The following LRP5 variants were observed in gnomAD, a reference collection of about 807,000 sequenced individuals.
The protein encoded by LRP5 is low-density lipoprotein receptor-related protein 5.
A neutral mutation model predicts 154.1 loss-of-function variants in LRP5; 62 were observed. The observed-to-expected ratio is 0.40, with a 90% CI of 0.33 to 0.50. The LOEUF (loss-of-function observed/expected upper bound fraction) is 0.50. Ranked by LOEUF, LRP5 falls within the 20% of genes least tolerant of loss-of-function variation. The pLI is 0.55. For missense variants in LRP5, 1,915 were observed against 2,336.7 expected, an observed-to-expected ratio of 0.82 and a Z score of 3.72; for synonymous variants, 966 against 1,011.5, an observed-to-expected ratio of 0.96 and a Z score of 0.85.
intron 1 of LRP5, among the ~76,000 whole-genome samples, chr11:68,343,123 G>A (rs987125745): frequency 3.3e-5 from 5 of 152,336 alleles, no homozygotes; most frequent in Admixed American, 2.0e-4. Context: ...TGGGGCCAGC[G>A]TCTGCCTGGT....
At chr11:68,341,904 C>T (rs1193932679) in intron 1 of LRP5, among the ~76,000 whole-genome samples, 1 of 152,116 alleles carries the variant, frequency 6.6e-6, no homozygotes, top group East Asian at 1.9e-4. Flanking sequence ...CACGTGAATA[C>T]GGAGCCATTC....
At chr11:68,350,071 C>T (rs969316701) in intron 2 of LRP5, among the ~76,000 whole-genome samples, 9 of 152,240 alleles carry the variant, frequency 5.9e-5, no homozygotes, top group Admixed American at 1.3e-4. Flanking sequence ...GTTGAGGGGC[C>T]GGCCTAGATC....
intron 1 of LRP5, among the ~76,000 whole-genome samples, chr11:68,317,370 G>A (rs1447866017): frequency 1.3e-5 from 2 of 152,252 alleles, no homozygotes; most frequent in Non-Finnish European, 2.9e-5. Flanking sequence ...AGAGTACCCC[G>A]AGGGTGTGAC....
At chr11:68,411,267 G>A (rs1441999198) in intron 10 of LRP5, among the ~76,000 whole-genome samples, 169 bp from the exon 11 acceptor site, 1 of 152,202 alleles carries the variant, frequency 6.6e-6, no homozygotes, top group East Asian at 1.9e-4. Context: ...AGGGATATGT[G>A]TGTGGCAGGG....
chr11:68,386,512 G>T lies in LRP5; in HGVS notation c.1212G>T (p.Gly404=), dbSNP rs377403217. Residue 404 remains glycine (G), a synonymous_variant, in exon 6 of 23, where the codon GGG becomes GGT. Coordinates refer to ENST00000294304, the MANE Select transcript of LRP5 (RefSeq NM_002335.4). This position sits in a 1 kb window ranked among gnomAD's most constrained non-coding sequence, Gnocchi z 7.9. The stretch of plus-strand genomic sequence containing the variant: ...CCATCCGCAGGGCGTACCTGGACGG[G>T]TCTGGGGCGCAGACGCTGGTCAACA... The part of the protein sequence containing the change: ...VRAIRRAYLD[G]SGAQTLVNTE... 6.2e-7 allele frequency: 1 copy of T among 1,613,940 alleles called. No homozygotes were observed. Among genetic ancestry groups the T allele is most frequent in the Non-Finnish European group, 8.5e-7 (1 of 1,180,014 alleles).
rs1435634355 is a variant in LRP5, at chr11:68,348,149, A to T, written c.394A>T (p.Ile132Phe). Residue 132 changes from isoleucine (I) to phenylalanine (F), a missense_variant, in exon 2 of 23, where the codon ATC (isoleucine) becomes TTC (phenylalanine). Physicochemically the swap from Ile to Phe is conservative, Grantham distance 21. This residue lies in a region of LRP5 where 773 missense variants were observed against 1,100.9 expected (regional missense o/e 0.70). Transcript: ENST00000294304. The stretch of plus-strand genomic sequence containing the variant: ...CTGGACGGACTCAGAGACCAACCGC[A>T]TCGAGGTGGCCAACCTCAATGGCAC... ...LYWTDSETNR[I>F]EVANLNGTSR... 6.2e-7 allele frequency: 1 copy of T among 1,614,006 alleles called. No individual in the cohort carries two copies. Among genetic ancestry groups the T allele is most frequent in the East Asian group, 2.2e-5 (1 of 44,886 alleles).
intron 1 of LRP5, among the ~76,000 whole-genome samples, chr11:68,336,546 G>A (rs576488181): frequency 6.6e-6 from 1 of 152,070 alleles, no homozygotes; most frequent in African/African-American, 2.4e-5. Context: ...TCAGCTCATG[G>A]CAACCTCTGC....
intron 5 of LRP5, among the ~76,000 whole-genome samples, chr11:68,378,260 C>T (rs76855906): frequency 0.026 from 3,975 of 152,338 alleles, 187 homozygotes; most frequent in African/African-American, 0.091. Context: ...GACCCATTGG[C>T]AGGGTCTCCT....
Position 68,402,680 on chromosome 11 carries a change from C to G in LRP5, c.1585-803C>G, listed in dbSNP as rs114835596. Among the ~76,000 whole-genome samples, 1,427 of 152,314 alleles carry G rather than the reference C, an allele frequency of 9.4e-3. 31 individuals carry two copies. Among genetic ancestry groups the G allele is most frequent in the African/African-American group, 0.032 (1,336 of 41,568 alleles). Reference sequence around the variant, plus strand: ...TCCTGCCCCAGGTCCTGCAGTTGCTCTGTGTGGTGGGTGTGATCTGGAGCC... The same window carrying G: ...TCCTGCCCCAGGTCCTGCAGTTGCTGTGTGTGGTGGGTGTGATCTGGAGCC... On this transcript the variant is annotated intron_variant, in intron 7 of 22. Coordinates refer to ENST00000294304, the MANE Select transcript of LRP5 (RefSeq NM_002335.4).
chr11:68,423,735 C>T lies in LRP5; in HGVS notation c.3236+38C>T, dbSNP rs1331264018. On this transcript the variant is annotated intron_variant, in intron 14 of 22. Coordinates refer to ENST00000294304, the MANE Select transcript of LRP5 (RefSeq NM_002335.4). This position sits in a 1 kb window ranked among gnomAD's most constrained non-coding sequence, Gnocchi z 4.7. ...CGGGTGGGTGGGGGTGCTGCCCGTC[C>T]AGGCGTGCCCGCCGTGTCTTCTGCC... is the stretch of plus-strand genomic sequence containing the variant. 1 of 1,562,640 alleles carries T rather than the reference C, an allele frequency of 6.4e-7. No individual in the cohort carries two copies. The highest frequency in any genetic ancestry group is 2.3e-5 in the East Asian group (1 of 44,340).
intron 14 of LRP5, among the ~76,000 whole-genome samples, chr11:68,424,315 G>A (rs1182097148): frequency 6.6e-6 from 1 of 152,242 alleles, no homozygotes; most frequent in Non-Finnish European, 1.5e-5. Context: ...ACAGGTCCTG[G>A]GCCGGGAGCC....
Position 68,326,306 on chromosome 11 carries a change from T to C in LRP5, c.91+13501T>C, listed in dbSNP as rs181139150. Among the ~76,000 whole-genome samples the C allele has an allele frequency of 2.7e-3, 411 of 152,326 alleles. 3 individuals are homozygous for C. Among genetic ancestry groups the C allele is most frequent in the Admixed American group, 0.025 (387 of 15,308 alleles). On this transcript the variant is annotated intron_variant, in intron 1 of 22. Transcript: ENST00000294304. ...CACCAGAGCAGTCCCCGCCTCTCCT[T>C]TTCAGAGGACATTGTTGAGGGGACC... is the stretch of plus-strand genomic sequence containing the variant.
chr11:68,307,150 C>G, the LRP5 span, among the ~76,000 whole-genome samples: 1 of 151,872 alleles, frequency 6.6e-6, no homozygotes, highest in Non-Finnish European at 1.5e-5. Flanking sequence ...CCATTGCACT[C>G]CAGCCTGAGC....
chr11:68,373,445 T>C (rs1480153433), intron 5 of LRP5, among the ~76,000 whole-genome samples: 1 of 152,156 alleles, frequency 6.6e-6, no homozygotes, highest in Non-Finnish European at 1.5e-5. Flanking sequence ...ACGTGGCCCC[T>C]GAGCTGCAGG....
chr11:68,399,429 G>A (rs547745061), intron 7 of LRP5, among the ~76,000 whole-genome samples: 1 of 151,614 alleles, frequency 6.6e-6, no homozygotes, highest in African/African-American at 2.4e-5. Flanking sequence ...GTTCAGTCAC[G>A]TGCTCTCCAT....
rs368368044 is a variant in LRP5, at chr11:68,318,174, C to T, written c.91+5369C>T. 2.2e-4 allele frequency among the ~76,000 whole-genome samples: 33 copies of T among 151,888 alleles called. No individual in the cohort carries two copies. In the East Asian group the frequency reaches 3.1e-3, roughly 14 times the overall value. ...GGGTCACGCCTTTCTCCTGCCTCAGCCTCCTGAGTAGCTGGAACTACAGGC... is the reference window on the plus strand; with the variant it reads ...GGGTCACGCCTTTCTCCTGCCTCAGTCTCCTGAGTAGCTGGAACTACAGGC... On this transcript the variant is annotated intron_variant, in intron 1 of 22. Transcript: ENST00000294304.
chr11:68,400,492 G>A (rs1295860577), intron 7 of LRP5, among the ~76,000 whole-genome samples: 1 of 152,072 alleles, frequency 6.6e-6, no homozygotes, highest in Non-Finnish European at 1.5e-5. Flanking sequence ...AGGCTGAGGC[G>A]GGCAGATCAC....
Position 68,386,705 on chromosome 11 carries a change from G to A in LRP5, c.1405G>A (p.Val469Met), listed in dbSNP as rs771321752. 16 of 1,612,848 alleles carry A rather than the reference G, an allele frequency of 9.9e-6. No individual in the cohort carries two copies. The highest frequency in any genetic ancestry group is 2.2e-5 in the East Asian group (1 of 44,882). ...GCCCCGAGCCATCGCACTGCACCCC[G>A]TGATGGGGTAAGACGGGCGGGGGCT... ...DEPRAIALHP[V>M]MGLMYWTDWG... Residue 469 changes from valine to methionine, a missense_variant, in exon 6 of 23, where the codon GTG becomes ATG. Val to Met is a conservative substitution (Grantham distance 21). This residue lies in a region of LRP5 where 773 missense variants were observed against 1,100.9 expected (regional missense o/e 0.70). Coordinates refer to ENST00000294304, the MANE Select transcript of LRP5 (RefSeq NM_002335.4). The surrounding 1 kb of genome is among the most constrained non-coding windows in gnomAD (Gnocchi z 7.9).
chr11:68,351,912 C>G (rs1490974760), intron 2 of LRP5, among the ~76,000 whole-genome samples: 2 of 151,966 alleles, frequency 1.3e-5, no homozygotes, highest in Admixed American at 1.3e-4. Flanking sequence ...GCAGCGCGGT[C>G]CAGGCAGAGG....
Sources: allele counts gnomAD v4.1 joint callset (sites outside exome capture counted in the v4.1 genomes callset), GRCh38; gene constraint gnomAD v4.1.1; regional missense constraint gnomAD v4.1.1; non-coding constraint Gnocchi (gnomAD v3.1); transcripts MANE v1.5; gene names NCBI Gene and HGNC (gene_info 2026-07-23, HGNC 2026-07-21).